The following ADGRE5 variants were observed in gnomAD, a reference collection of about 807,000 sequenced individuals.
The protein encoded by ADGRE5 is adhesion G protein-coupled receptor E5.
A neutral mutation model predicts 100.3 loss-of-function variants in ADGRE5; 72 were observed. That is an observed-to-expected ratio of 0.72 (90% CI 0.59 to 0.87). ADGRE5 has a LOEUF of 0.87. Among genes scored for constraint, ADGRE5 ranks in the 40% least tolerant of loss-of-function variants. ADGRE5 has a pLI of 0.00. For synonymous variants in ADGRE5, 439 were observed against 447.8 expected (o/e 0.98, Z 0.25); for missense variants, 959 against 1,094.7 (o/e 0.88, Z 1.75).
chr19:14,395,069 G>T (rs1034868124), intron 4 of ADGRE5, among the ~76,000 whole-genome samples: 2 of 152,192 alleles, frequency 1.3e-5, no homozygotes, highest in Non-Finnish European at 2.9e-5. Context: ...GGGAGGCCAA[G>T]GTGGAAGGAT....
chr19:14,406,293 C>T lies in ADGRE5; in HGVS notation c.1822-38C>T, dbSNP rs554981831. 2.0e-6 allele frequency: 3 copies of T among 1,473,430 alleles called. No homozygotes were observed. Among genetic ancestry groups the T allele is most frequent in the East Asian group, 4.9e-5 (2 of 40,570 alleles). The allele number at this position is 1,473,430 out of a possible 1,614,324, so 91.3% of individuals were successfully genotyped here. Reference sequence around the variant, plus strand: ...CTCTGGCGCCGCATGCCCCTCCCCGCGCTGACGTCGCTCCGCCCCTCCGTC... The same window carrying T: ...CTCTGGCGCCGCATGCCCCTCCCCGTGCTGACGTCGCTCCGCCCCTCCGTC... On this transcript the variant is annotated intron_variant, in intron 14 of 19. Coordinates refer to ENST00000242786, the MANE Select transcript of ADGRE5 (RefSeq NM_078481.4). The surrounding 1 kb of genome is among the most constrained non-coding windows in gnomAD (Gnocchi z 6.0).
chr19:14,396,611 A>G (rs1975790465), intron 5 of ADGRE5, 138 bp downstream of exon 5: 3 of 1,381,642 alleles, frequency 2.2e-6, no homozygotes, highest in Admixed American at 2.4e-5. Flanking sequence ...GCCCCTGCCT[A>G]AGGATTCACC....
Position 14,401,318 on chromosome 19 carries a change from C to A in ADGRE5, c.898-68C>A. 2.1e-6 allele frequency: 3 copies of A among 1,416,686 alleles called. No homozygotes were observed. Among genetic ancestry groups the A allele is most frequent in the Non-Finnish European group, 1.9e-6 (2 of 1,031,038 alleles). The allele number at this position is 1,416,686 out of a possible 1,614,324, so 87.8% of individuals were successfully genotyped here. ...CAGTGTGTCCCCTGGTAGGGGGTGA[C>A]ATCCAGGTCCTTCAGGCAACCCCTG... On this transcript the variant is annotated intron_variant, in intron 9 of 19. Transcript: ENST00000242786. This position sits in a 1 kb window ranked among gnomAD's most constrained non-coding sequence, Gnocchi z 4.1.
chr19:14,404,652 G>C (rs1976147210), intron 13 of ADGRE5, 90 bp downstream of exon 13: 6 of 1,309,394 alleles, frequency 4.6e-6, no homozygotes, highest in Non-Finnish European at 6.4e-6. Flanking sequence ...GAGCCCTACT[G>C]GTTGCTCAGA....
In ADGRE5 at chr19:14,407,204, T is replaced by G; in HGVS notation, c.2351T>G (p.Leu784Arg). The G allele has an allele frequency of 6.2e-7, 1 of 1,614,020 alleles. No individual in the cohort carries two copies. The highest frequency in any genetic ancestry group is 8.5e-7 in the Non-Finnish European group (1 of 1,179,980). The change falls in exon 18 of 20, where the codon CTG becomes CGG. Residue 784 changes from leucine (L) to arginine (R), a missense_variant. Physicochemically the swap from Leu to Arg is moderately radical, Grantham distance 102 (BLOSUM62 -2). Around this residue, in one of 6 missense-constraint regions of ADGRE5, gnomAD observed 428 missense variants for 386.2 expected, o/e 1.11. Coordinates refer to ENST00000242786, the MANE Select transcript of ADGRE5 (RefSeq NM_078481.4). ...LNCLQGAFLY[L>R]LHCLLNKKVR... is the part of the protein sequence containing the mutation. ...TGCCTGCAGGGCGCCTTCCTCTACC[T>G]GCTGCACTGCCTGCTCAACAAGAAG...
intron 18 of ADGRE5, 27 bp from the exon 19 acceptor site, chr19:14,407,881 G>C: frequency 1.2e-6 from 2 of 1,603,528 alleles, no homozygotes; most frequent in Non-Finnish European, 1.7e-6. Flanking sequence ...GCCTGCTCCT[G>C]CCCTGACTTG....
At chr19:14,396,136 G>T in intron 4 of ADGRE5, 1 of 784,818 alleles carries the variant, frequency 1.3e-6, no homozygotes, top group Non-Finnish European at 2.0e-6. Flanking sequence ...AGAGGAGAAG[G>T]GGAGGACTTG....
rs749394582 is a variant in ADGRE5 at position 14,407,191 on chromosome 19, G to A, written c.2338G>A (p.Ala780Thr). The A allele has an allele frequency of 1.3e-5, 21 of 1,614,000 alleles. No homozygotes were observed. Among genetic ancestry groups the A allele is most frequent in the South Asian group, 4.4e-5 (4 of 91,092 alleles). Reference sequence around the variant, plus strand: ...TACCATCCTCAACTGCCTGCAGGGCGCCTTCCTCTACCTGCTGCACTGCCT... The same window carrying A: ...TACCATCCTCAACTGCCTGCAGGGCACCTTCCTCTACCTGCTGCACTGCCT... ...VFTILNCLQG[A>T]FLYLLHCLLN... The change falls in exon 18 of 20, where the codon GCC becomes ACC. Residue 780 changes from alanine to threonine, a missense_variant. Physicochemically the swap from Ala to Thr is moderately conservative, Grantham distance 58. Coordinates refer to ENST00000242786, the MANE Select transcript of ADGRE5 (RefSeq NM_078481.4).
chr19:14,406,962 TGAGAG>T lies in ADGRE5; in HGVS notation c.2207+9_2207+13del, dbSNP rs1976275256. 1 of 1,613,640 alleles carries T rather than the reference TGAGAG, an allele frequency of 6.2e-7. No homozygotes were observed. The highest frequency in any genetic ancestry group is 8.5e-7 in the Non-Finnish European group (1 of 1,179,796). On this transcript the variant is annotated splice_donor_5th_base_variant and intron_variant, in intron 17 of 19. Transcript: ENST00000242786. The surrounding 1 kb of genome is among the most constrained non-coding windows in gnomAD (Gnocchi z 6.0). ...CATGAAGAAATTAAAGAAGGCGAGG[TGAGAG>T]GAGAGGCTGGAAGGACTTGGAGGCG...
chr19:14,400,114 G>T (rs1386820825), intron 9 of ADGRE5, among the ~76,000 whole-genome samples: 1 of 152,020 alleles, frequency 6.6e-6, no homozygotes, highest in African/African-American at 2.4e-5. Flanking sequence ...CCGCCTCCCG[G>T]GTTCATGCCA....
chr19:14,400,467 C>T (rs1975965429), intron 9 of ADGRE5, among the ~76,000 whole-genome samples: 1 of 151,834 alleles, frequency 6.6e-6, no homozygotes, highest in South Asian at 2.1e-4. Context: ...AATAACTACA[C>T]TTTATAAAGT....
Position 14,401,471 on chromosome 19 carries a change from C to G in ADGRE5, c.983C>G (p.Thr328Ser). 1 of 1,614,150 alleles carries G rather than the reference C, an allele frequency of 6.2e-7. No homozygotes were observed. Among genetic ancestry groups the G allele is most frequent in the Non-Finnish European group, 8.5e-7 (1 of 1,180,006 alleles). ...CCACCTGTCCGGCACCTCATAGCCA[C>G]CCAGCTGCTCTCAAACCTTGAAGAT... ...LAPPVRHLIA[T>S]QLLSNLEDIM... Residue 328 changes from threonine to serine, a missense_variant, in exon 10 of 20, where the codon ACC (threonine) becomes AGC (serine). Thr to Ser is a moderately conservative substitution (Grantham distance 58). Around this residue, in one of 6 missense-constraint regions of ADGRE5, gnomAD observed 246 missense variants for 242.2 expected, o/e 1.02. Coordinates refer to ENST00000242786, the MANE Select transcript of ADGRE5 (RefSeq NM_078481.4). This position sits in a 1 kb window ranked among gnomAD's most constrained non-coding sequence, Gnocchi z 4.1.
intron 11 of ADGRE5, 61 bp from the exon 12 acceptor site, chr19:14,402,536 G>C: frequency 6.3e-7 from 1 of 1,580,196 alleles, no homozygotes; most frequent in Non-Finnish European, 8.7e-7. Flanking sequence ...CATCTTGGGA[G>C]GGAGGATAGA....
Position 14,389,057 on chromosome 19 carries a change from T to C in ADGRE5, c.190+239T>C, listed in dbSNP as rs1975464624. ...TACTCAGAAGACTGAGGGGAGAGGA[T>C]TATTTGAGCCCAAGAGTTTGAGGCT... is the stretch of plus-strand genomic sequence containing the variant. On this transcript the variant is annotated intron_variant, in intron 3 of 19. Coordinates refer to ENST00000242786, the MANE Select transcript of ADGRE5 (RefSeq NM_078481.4). 2.2e-5 allele frequency among the ~76,000 whole-genome samples: 3 copies of C among 138,794 alleles called. 1 individual carries two copies. The South Asian group carries it at 7.1e-4, about 33-fold the overall frequency. 91.1% of individuals were successfully genotyped at this position (138,794 alleles called of 152,430 possible). A position where few individuals can be genotyped will look rare whatever the true frequency, so the allele number is the denominator to read the frequency against.
chr19:14,382,424 G>A (rs1344951145), intron 1 of ADGRE5, among the ~76,000 whole-genome samples: 1 of 152,208 alleles, frequency 6.6e-6, no homozygotes, highest in African/African-American at 2.4e-5. Flanking sequence ...TGTGTCACCA[G>A]GGCCAAGTCA....
chr19:14,402,678 A>G lies in ADGRE5; in HGVS notation c.1265A>G (p.Lys422Arg), dbSNP rs778920084. ...ANASLNLHSK[K>R]QAELEEIYES... ...GCCTCCTTGAACCTGCATTCCAAGA[A>G]GCAAGCCGAACTGGAGGAGATATAT... Residue 422 changes from lysine to arginine, a missense_variant, in exon 12 of 20, where the codon AAG (lysine) becomes AGG (arginine). Physicochemically the swap from Lys to Arg is conservative, Grantham distance 26 (BLOSUM62 2). Around this residue, in one of 6 missense-constraint regions of ADGRE5, gnomAD observed 246 missense variants for 242.2 expected, o/e 1.02. Transcript: ENST00000242786. The G allele has an allele frequency of 6.2e-7, 1 of 1,614,152 alleles. No individual in the cohort carries two copies. The highest frequency in any genetic ancestry group is 1.1e-5 in the South Asian group (1 of 91,078).
Position 14,408,368 on chromosome 19 carries a change from G to A in ADGRE5, c.*247G>A. The A allele has an allele frequency of 1.6e-6, 1 of 614,430 alleles. No homozygotes were observed. Among genetic ancestry groups the A allele is most frequent in the East Asian group, 2.7e-5 (1 of 36,408 alleles). The allele number at this position is 614,430 out of a possible 1,614,324, so 38.1% of individuals were successfully genotyped here. On this transcript the variant is annotated 3_prime_UTR_variant, in exon 20 of 20. Transcript: ENST00000242786. Reference sequence around the variant, plus strand: ...GCTCCACCTTGTGACCCAGGGTGGGGACAGGGGCTGGCCCAGGGCTGCAAT... The same window carrying A: ...GCTCCACCTTGTGACCCAGGGTGGGAACAGGGGCTGGCCCAGGGCTGCAAT...
At chr19:14,381,711 G>A (rs1049707922) in intron 1 of ADGRE5, among the ~76,000 whole-genome samples, 166 bp downstream of exon 1, 7 of 152,176 alleles carry the variant, frequency 4.6e-5, no homozygotes, top group African/African-American at 1.7e-4. Flanking sequence ...GGCTGGTGGT[G>A]CTTGGGCACC....
At chr19:14,389,491 A>C (rs67173128) in intron 3 of ADGRE5, among the ~76,000 whole-genome samples, 17 of 146,554 alleles carry the variant, frequency 1.2e-4, no homozygotes, top group African/African-American at 4.3e-4. Flanking sequence ...CCAGCACTTC[A>C]GGAGGCCGAG....
Sources: gnomAD v4.1 joint callset for allele counts (sites outside exome capture counted in the v4.1 genomes callset) on GRCh38, gnomAD v4.1.1 for gene constraint, gnomAD v4.1.1 regional missense constraint, Gnocchi (gnomAD v3.1) non-coding constraint, MANE v1.5 for transcripts, NCBI Gene and HGNC (gene_info 2026-07-23, HGNC 2026-07-21) for gene names.